The following GLG1 variants were observed in gnomAD, a reference collection of about 807,000 sequenced individuals.
GLG1 encodes golgi glycoprotein 1, also known as Golgi apparatus protein 1.
GLG1 carries 38 observed loss-of-function variants against 160.5 expected under a neutral mutation model. The ratio of observed to expected loss-of-function variants is 0.24; its 90% confidence interval spans 0.18 to 0.31. GLG1 has a LOEUF of 0.31. GLG1 is among the 10% of genes least tolerant of loss of function. The probability of loss-of-function intolerance (pLI) is 1.00; values close to 1 mark genes in which losing one functional copy is unlikely to be tolerated. For missense variants in GLG1, 1,373 were observed against 1,505.2 expected, an observed-to-expected ratio of 0.91 and a Z score of 1.45; for synonymous variants, 644 against 543.4, an observed-to-expected ratio of 1.19 and a Z score of -2.57.
chr16:74,458,996 A>C (rs116815662), intron 23 of GLG1, among the ~76,000 whole-genome samples: 1,947 of 152,300 alleles, frequency 0.013, 40 homozygotes, highest in African/African-American at 0.045. Flanking sequence ...CAGTAAGAGA[A>C]ATAAAAACCA....
At chr16:74,601,525 T>G (rs1677884440) in intron 1 of GLG1, among the ~76,000 whole-genome samples, 1 of 152,196 alleles carries the variant, frequency 6.6e-6, no homozygotes, top group South Asian at 2.1e-4. Context: ...CTGACAGCTC[T>G]AGTCTCAGTT....
intron 1 of GLG1, among the ~76,000 whole-genome samples, chr16:74,573,331 ATAT>A (rs1475735430): frequency 6.6e-6 from 1 of 152,108 alleles, no homozygotes; most frequent in Non-Finnish European, 1.5e-5. Context: ...CTGGGTAAAT[ATAT>A]TTTTTTTAAA....
chr16:74,471,203 C>T lies in GLG1; in HGVS notation c.2199G>A (p.Lys733=). The change falls in exon 15 of 26, where the codon AAG becomes AAA. Residue 733 remains lysine, a synonymous_variant. Coordinates refer to ENST00000422840, the MANE Select transcript of GLG1 (RefSeq NM_001145667.2). ...GGAAGTGGGTAACTCCGATGGCACA[C>T]TTCTCGTTCATGTCCTTCTGGTGTT... ...QNKHQKDMNE[K]CAIGVTHFQL... is the part of the protein sequence containing the mutation. The T allele has an allele frequency of 6.2e-7, 1 of 1,611,718 alleles. No individual in the cohort carries two copies. The highest frequency in any genetic ancestry group is 1.1e-5 in the South Asian group (1 of 91,034).
intron 4 of GLG1, among the ~76,000 whole-genome samples, chr16:74,497,312 AC>A (rs68032930): frequency 0.67 from 98,286 of 147,528 alleles, 32,789 homozygotes; most frequent in South Asian, 0.76. Flanking sequence ...ACACACACAC[AC>A]ACAAAAAACC....
chr16:74,520,063 A>G (rs1461071760), intron 2 of GLG1, among the ~76,000 whole-genome samples: 1 of 152,132 alleles, frequency 6.6e-6, no homozygotes, highest in African/African-American at 2.4e-5. Context: ...TTTCCTATAC[A>G]CCCATTATTA....
At chr16:74,579,708 A>G (rs1447581428) in intron 1 of GLG1, among the ~76,000 whole-genome samples, 2 of 150,540 alleles carry the variant, frequency 1.3e-5, no homozygotes, top group Non-Finnish European at 3.0e-5. Context: ...GGTGACAGCA[A>G]GACTCAGTCT....
chr16:74,574,881 C>A (rs375323885), intron 1 of GLG1, among the ~76,000 whole-genome samples: 1 of 7,136 alleles, frequency 1.4e-4, no homozygotes, highest in Admixed American at 2.4e-3. Flanking sequence ...AAGACTCTGT[C>A]TCAAAAAAAA....
chr16:74,470,825 T>C (rs773019614), intron 15 of GLG1, among the ~76,000 whole-genome samples: 21 of 151,992 alleles, frequency 1.4e-4, no homozygotes, highest in Non-Finnish European at 2.5e-4. Context: ...AGTGGCGATC[T>C]CGGCTCACTA....
chr16:74,464,842 A>C (rs912605441), intron 19 of GLG1, among the ~76,000 whole-genome samples: 2 of 151,852 alleles, frequency 1.3e-5, no homozygotes, highest in Non-Finnish European at 2.9e-5. Context: ...GTTTAAAAAA[A>C]ATTTTTTTTT....
intron 1 of GLG1, among the ~76,000 whole-genome samples, chr16:74,563,718 C>T (rs2018571538): frequency 6.7e-6 from 1 of 148,358 alleles, no homozygotes; most frequent in South Asian, 2.1e-4. Flanking sequence ...CAGAGTGAGA[C>T]CCTGTCTCAA....
chr16:74,508,973 C>T (rs774359408), intron 2 of GLG1, 48 bp from the exon 3 acceptor site: 1 of 796,800 alleles, frequency 1.3e-6, no homozygotes, highest in African/African-American at 1.7e-5. Flanking sequence ...CCAGTTAGAA[C>T]AGTACGAAAT....
rs1047612357 is a variant in GLG1 at position 74,536,272 on chromosome 16, G to C, written c.439-4119C>G. Among the ~76,000 whole-genome samples the C allele has an allele frequency of 7.9e-5, 12 of 152,106 alleles. No homozygotes were observed. In the East Asian group the frequency reaches 1.9e-3, roughly 24 times the overall value. ...ACAGGCTCACTTGTCTCTAATCCTA[G>C]AAGATGAATAGCATGAGGAATAACA... On this transcript the variant is annotated intron_variant, in intron 1 of 25. Coordinates refer to ENST00000422840, the MANE Select transcript of GLG1 (RefSeq NM_001145667.2).
At chr16:74,522,246 C>G (rs1597304084) in intron 2 of GLG1, among the ~76,000 whole-genome samples, 1 of 152,186 alleles carries the variant, frequency 6.6e-6, no homozygotes, top group Non-Finnish European at 1.5e-5. Flanking sequence ...ATATTTAGCC[C>G]TTTTGGGCAG....
chr16:74,516,287 C>T (rs569226256), intron 2 of GLG1, among the ~76,000 whole-genome samples: 56 of 151,740 alleles, frequency 3.7e-4, no homozygotes, highest in East Asian at 1.7e-3. Flanking sequence ...TATTCCAAAA[C>T]TGACCACATA....
intron 8 of GLG1, among the ~76,000 whole-genome samples, chr16:74,489,395 C>T (rs1352730323): frequency 1.3e-5 from 2 of 151,684 alleles, no homozygotes; most frequent in African/African-American, 2.4e-5. Context: ...CATTTGAACC[C>T]GGGAGGTGGA....
At chr16:74,520,896 G>A (rs890282589) in intron 2 of GLG1, among the ~76,000 whole-genome samples, 26 of 152,098 alleles carry the variant, frequency 1.7e-4, no homozygotes, top group African/African-American at 6.0e-4. Flanking sequence ...TTTACCGACA[G>A]GCAGCAGTGA....
At position 74,552,271 on chromosome 16, in the gene GLG1, C is replaced by T. The variant is rs1597339729; in HGVS notation, c.439-20118G>A. The T allele has an allele frequency of 2.3e-5, 13 of 571,948 alleles. No homozygotes were observed. The East Asian group carries it at 3.9e-4, about 17-fold the overall frequency. The allele number at this position is 571,948 out of a possible 1,614,324, so 35.4% of individuals were successfully genotyped here. A position where few individuals can be genotyped will look rare whatever the true frequency, so the allele number is the denominator to read the frequency against. Reference sequence around the variant, plus strand: ...CCAAGATGCTGATGCCTAAGAAGAACGGGATTGCCATCTATGAACTCCTTT... The same window carrying T: ...CCAAGATGCTGATGCCTAAGAAGAATGGGATTGCCATCTATGAACTCCTTT... On this transcript the variant is annotated intron_variant, in intron 1 of 25. Transcript: ENST00000422840.
chr16:74,499,703 A>G (rs2016338051), intron 4 of GLG1, among the ~76,000 whole-genome samples: 2 of 152,210 alleles, frequency 1.3e-5, no homozygotes, highest in South Asian at 4.1e-4. Flanking sequence ...CACTGGCATT[A>G]GGTCATAACA....
chr16:74,592,654 CATA>C (rs1043447498), intron 1 of GLG1, among the ~76,000 whole-genome samples: 1 of 152,112 alleles, frequency 6.6e-6, no homozygotes, highest in African/African-American at 2.4e-5. Flanking sequence ...TGCCCAACAT[CATA>C]ATAACTGGTA....
Sources: gnomAD v4.1 joint callset for allele counts (sites outside exome capture counted in the v4.1 genomes callset) on GRCh38, gnomAD v4.1.1 for gene constraint, MANE v1.5 for transcripts, NCBI Gene and HGNC (gene_info 2026-07-23, HGNC 2026-07-21) for gene names.